TNS2: variants seen among roughly 807,000 people sequenced by gnomAD.
The protein encoded by TNS2 is tensin 2.
A neutral mutation model predicts 155.7 loss-of-function variants in TNS2; 77 were observed. The observed-to-expected ratio is 0.49, with a 90% CI of 0.41 to 0.60. TNS2 has a LOEUF of 0.60. Among genes scored for constraint, TNS2 ranks in the 20% least tolerant of loss-of-function variants. The pLI is 0.00. For missense variants in TNS2, 1,703 were observed against 1,868.8 expected (o/e 0.91, Z 1.64); for synonymous variants, 726 against 763.9 (o/e 0.95, Z 0.82).
intron 3 of TNS2, 86 bp from the exon 4 acceptor site, chr12:53,053,325 C>T: frequency 2.0e-6 from 3 of 1,517,946 alleles, no homozygotes; most frequent in Non-Finnish European, 1.8e-6. Context: ...CCTCCACCTT[C>T]CTCCTGAAGC....
intron 21 of TNS2, 149 bp downstream of exon 21, chr12:53,061,618 G>C (rs1944387652): frequency 1.5e-6 from 2 of 1,331,250 alleles, no homozygotes; most frequent in Admixed American, 4.4e-5. Flanking sequence ...GTGATTCTGG[G>C]CTTTGGGCCA....
intron 2 of TNS2, chr12:53,052,173 C>A: frequency 1.6e-6 from 1 of 610,156 alleles, no homozygotes; most frequent in Non-Finnish European, 2.9e-6. Flanking sequence ...CAGTACTCTC[C>A]ATCACCTTCC....
At chr12:53,053,199 T>G (rs1280762858) in intron 3 of TNS2, 2 of 536,378 alleles carry the variant, frequency 3.7e-6, no homozygotes, top group Non-Finnish European at 6.5e-6. Context: ...GGCTGGGGGC[T>G]GAGCGCCAAG....
At position 53,054,409 on chromosome 12, in the gene TNS2, G is replaced by C; in HGVS notation, c.490G>C (p.Val164Leu). The C allele has an allele frequency of 1.2e-6, 2 of 1,606,368 alleles. No homozygotes were observed. The highest frequency in any genetic ancestry group is 1.7e-6 in the Non-Finnish European group (2 of 1,178,156). ...GGGCCACCTGCGCGAGCTGGCCCATGTGCTGCAATCCAAGCACCGGGACAA... is the reference window on the plus strand; with the variant it reads ...GGGCCACCTGCGCGAGCTGGCCCATCTGCTGCAATCCAAGCACCGGGACAA... ...HRGHLRELAH[V>L]LQSKHRDKYL... Residue 164 changes from valine (V) to leucine (L), a missense_variant, in exon 7 of 29, where the codon GTG (valine) becomes CTG (leucine). Coordinates refer to ENST00000314250, the MANE Select transcript of TNS2 (RefSeq NM_170754.4).
At chr12:53,049,121 C>T (rs749717573), upstream of TNS2, 3 of 1,534,004 alleles carry the variant, frequency 2.0e-6, no homozygotes, top group Non-Finnish European at 2.6e-6. Flanking sequence ...TGGCCATGTT[C>T]CCAGGAGGGA....
Position 53,061,937 on chromosome 12 carries a change from A to G in TNS2, c.3571A>G (p.Lys1191Glu), listed in dbSNP as rs762922960. ...ATPPPSAQPW[K>E]GDPVEQLVRH... ...ACCGCCACCCAGTGCCCAGCCCTGG[A>G]AAGGTACAGAACACCCAAACCTGAG... The change falls in exon 22 of 29, where the codon AAA (lysine) becomes GAA (glutamate). Residue 1191 changes from lysine to glutamate, a missense_variant. Coordinates refer to ENST00000314250, the MANE Select transcript of TNS2 (RefSeq NM_170754.4). The G allele has an allele frequency of 6.2e-6, 10 of 1,611,562 alleles. No homozygotes were observed. Among genetic ancestry groups the G allele is most frequent in the Non-Finnish European group, 2.5e-6 (3 of 1,179,012 alleles).
At chr12:53,054,555 A>C (rs1592245528) in intron 7 of TNS2, 114 bp downstream of exon 7, 9 of 409,444 alleles carry the variant, frequency 2.2e-5, no homozygotes, top group Admixed American at 6.0e-5. Flanking sequence ...GCGGGACCAG[A>C]GTGGTGGGGT....
chr12:53,061,813 A>C lies in TNS2; in HGVS notation c.3449-2A>C. 1 of 1,611,586 alleles carries C rather than the reference A, an allele frequency of 6.2e-7. No individual in the cohort carries two copies. The highest frequency in any genetic ancestry group is 8.5e-7 in the Non-Finnish European group (1 of 1,178,766). The stretch of plus-strand genomic sequence containing the variant: ...CACTGCCCGCTACCCCTCACCCTGC[A>C]GCCATTGCCCTGCTGAAGGACAAGG... On this transcript the variant is annotated splice_acceptor_variant, in intron 21 of 28. Transcript: ENST00000314250. LOFTEE classifies it high-confidence loss of function.
Position 53,064,035 on chromosome 12 carries a change from CT to C in TNS2, c.*155del. On this transcript the variant is annotated 3_prime_UTR_variant, in exon 29 of 29. Transcript: ENST00000314250. Reference sequence around the variant, plus strand: ...GCATCAGGCCTGGGACACTGCTCTCCTTCCCCGCCCCCAGCCTGCTAAGTTA... The same window carrying C: ...GCATCAGGCCTGGGACACTGCTCTCCTCCCCGCCCCCAGCCTGCTAAGTTA... 2 of 804,106 alleles carry C rather than the reference CT, an allele frequency of 2.5e-6. No individual in the cohort carries two copies. The highest frequency in any genetic ancestry group is 5.8e-5 in the Admixed American group (2 of 34,564). The allele number at this position is 804,106 out of a possible 1,614,324, so 49.8% of individuals were successfully genotyped here.
chr12:53,063,834 C>T lies in TNS2; in HGVS notation c.4182C>T (p.Gly1394=), dbSNP rs12816417. The T allele has an allele frequency of 0.064, 102,857 of 1,614,038 alleles. 3,696 individuals carry two copies. Among genetic ancestry groups the T allele is most frequent in the East Asian group, 0.16 (7,133 of 44,884 alleles). ...FAELDPDQPA[G]AIVTFITKVL... Reference sequence around the variant, plus strand: ...AGCTTGACCCAGATCAGCCTGCTGGCGCCATTGTCACCTTCATCACCAAAG... The same window carrying T: ...AGCTTGACCCAGATCAGCCTGCTGGTGCCATTGTCACCTTCATCACCAAAG... The change falls in exon 29 of 29, where the codon GGC becomes GGT. Residue 1394 remains glycine, a synonymous_variant. Coordinates refer to ENST00000314250, the MANE Select transcript of TNS2 (RefSeq NM_170754.4). This position sits in a 1 kb window ranked among gnomAD's most constrained non-coding sequence, Gnocchi z 5.6.
At position 53,059,364 on chromosome 12, in the gene TNS2, G is replaced by A; in HGVS notation, c.1723G>A (p.Gly575Ser). 6.9e-7 allele frequency: 1 copy of A among 1,452,226 alleles called. No homozygotes were observed. The highest frequency in any genetic ancestry group is 9.1e-7 in the Non-Finnish European group (1 of 1,103,630). 90.0% of individuals were successfully genotyped at this position (1,452,226 alleles called of 1,614,324 possible). A position where few individuals can be genotyped will look rare whatever the true frequency, so the allele number is the denominator to read the frequency against. ...CGAAGAGCAGCCCACTGTGGGCGGA[G>A]GCCCCCACCTCGGAGTGTATCCAGG... ...DDEEQPTVGG[G>S]PHLGVYPGHR... Residue 575 changes from glycine to serine, a missense_variant, in exon 18 of 29, where the codon GGC (glycine) becomes AGC (serine). Transcript: ENST00000314250. The surrounding 1 kb of genome is among the most constrained non-coding windows in gnomAD (Gnocchi z 4.7).
chr12:53,047,383 C>A (rs1943760877), upstream of TNS2, among the ~76,000 whole-genome samples: 1 of 145,656 alleles, frequency 6.9e-6, no homozygotes, highest in East Asian at 2.0e-4. Context: ...GGTGAGTGGC[C>A]GCGCCGCGCT....
chr12:53,049,976 C>A (rs1421464839), upstream of TNS2: 5 of 1,232,926 alleles, frequency 4.1e-6, no homozygotes, highest in Non-Finnish European at 5.4e-6. Flanking sequence ...CCCACATCCT[C>A]CCCCCTCCAC....
In TNS2 at chr12:53,063,266, A is replaced by T. The variant is rs1944441207; in HGVS notation, c.3992+9A>T. 2.5e-6 allele frequency: 4 copies of T among 1,613,446 alleles called. No homozygotes were observed. Among genetic ancestry groups the T allele is most frequent in the African/African-American group, 1.3e-5 (1 of 74,856 alleles). On this transcript the variant is annotated intron_variant, in intron 26 of 28. Transcript: ENST00000314250. The surrounding 1 kb of genome is among the most constrained non-coding windows in gnomAD (Gnocchi z 5.6). ...ACGGACAACCAAAGGAAGTATGTAT[A>T]CTCAGCCCTGTAGAACCCCATGCTT... is the stretch of plus-strand genomic sequence containing the variant.
At chr12:53,062,110 C>A (rs369626188) in intron 22 of TNS2, 43 bp from the exon 23 acceptor site, 637 of 1,612,642 alleles carry the variant, frequency 4.0e-4, no homozygotes, top group Non-Finnish European at 5.2e-4. Flanking sequence ...GAAGCTGGAA[C>A]CTGGAATCCT....
Position 53,061,155 on chromosome 12 carries a change from G to A in TNS2, c.3249G>A (p.Gly1083=). 3 of 1,607,778 alleles carry A rather than the reference G, an allele frequency of 1.9e-6. No homozygotes were observed. The highest frequency in any genetic ancestry group is 2.5e-6 in the Non-Finnish European group (3 of 1,176,770). The change falls in exon 20 of 29, where the codon GGG becomes GGA. Residue 1083 remains glycine, a synonymous_variant. Coordinates refer to ENST00000314250, the MANE Select transcript of TNS2 (RefSeq NM_170754.4). Reference sequence around the variant, plus strand: ...AGAAACGCCACCTGCCCGGGCCGGGGCAACAGCCAGGACCCTGGGGCCCAG... The same window carrying A: ...AGAAACGCCACCTGCCCGGGCCGGGACAACAGCCAGGACCCTGGGGCCCAG... ...LPEKRHLPGP[G]QQPGPWGPEQ...
chr12:53,063,351 T>A lies in TNS2; in HGVS notation c.3995T>A (p.Leu1332His), dbSNP rs1944444003. The change falls in exon 27 of 29, where the codon CTC becomes CAC. Residue 1332 changes from leucine (L) to histidine (H), a missense_variant and splice_region_variant. Physicochemically the swap from Leu to His is moderately conservative, Grantham distance 99. Coordinates refer to ENST00000314250, the MANE Select transcript of TNS2 (RefSeq NM_170754.4). This position sits in a 1 kb window ranked among gnomAD's most constrained non-coding sequence, Gnocchi z 5.6. ...CTTCCTCACCCTCCTCCTTGCAGGC[T>A]CTTCTTTCGCCGCCATTATCCAGTG... Reference protein sequence around the residue: ...GITLTDNQRKLFFRRHYPVNS... With the variant: ...GITLTDNQRKHFFRRHYPVNS... 2 of 1,613,976 alleles carry A rather than the reference T, an allele frequency of 1.2e-6. No homozygotes were observed. The highest frequency in any genetic ancestry group is 1.7e-6 in the Non-Finnish European group (2 of 1,179,982).
intron 8 of TNS2, 128 bp from the exon 9 acceptor site, chr12:53,055,440 G>T: frequency 7.8e-7 from 1 of 1,279,280 alleles, no homozygotes. Context: ...AAGTGCCGAG[G>T]CTATCATGGA....
Position 53,058,566 on chromosome 12 carries a change from C to T in TNS2, c.1226-6C>T. On this transcript the variant is annotated splice_polypyrimidine_tract_variant and splice_region_variant and intron_variant, in intron 15 of 28. Transcript: ENST00000314250. Reference sequence around the variant, plus strand: ...GGCCTGGTTCTTCACTGTCCACTCCCCATAGATGAGAGGTTCCCCTTCCAA... The same window carrying T: ...GGCCTGGTTCTTCACTGTCCACTCCTCATAGATGAGAGGTTCCCCTTCCAA... The T allele has an allele frequency of 3.7e-6, 6 of 1,613,972 alleles. No homozygotes were observed. Among genetic ancestry groups the T allele is most frequent in the Non-Finnish European group, 5.1e-6 (6 of 1,180,004 alleles).
Sources: allele counts gnomAD v4.1 joint callset (sites outside exome capture counted in the v4.1 genomes callset), GRCh38; gene constraint gnomAD v4.1.1; non-coding constraint Gnocchi (gnomAD v3.1); transcripts MANE v1.5; gene names NCBI Gene and HGNC (gene_info 2026-07-23, HGNC 2026-07-21).